GPHN: variants seen among roughly 807,000 people sequenced by gnomAD.
GPHN encodes the protein gephyrin.
Under a neutral mutation model 95.5 loss-of-function variants are expected in GPHN, and 17 were observed. The ratio of observed to expected loss-of-function variants is 0.18; its 90% CI spans 0.12 to 0.27. The LOEUF is 0.27. GPHN is among the 10% of genes least tolerant of loss of function. GPHN has a pLI of 1.00. For synonymous variants in GPHN, 320 were observed against 322.5 expected, an observed-to-expected ratio of 0.99 and a Z score of 0.08; for missense variants, 660 against 978.1, an observed-to-expected ratio of 0.67 and a Z score of 4.34.
At chr14:67,555,684 T>A in the GPHN span, 1 of 1,229,282 alleles carries the variant, frequency 8.1e-7, no homozygotes. Context: ...ATCCTTACCC[T>A]GACACTCTCG....
chr14:66,819,149 T>G (rs2061093472), intron 3 of GPHN, among the ~76,000 whole-genome samples: 1 of 152,216 alleles, frequency 6.6e-6, no homozygotes, highest in Non-Finnish European at 1.5e-5. Flanking sequence ...TTCTTTGTCA[T>G]GAATTCTTTG....
At chr14:67,047,531 A>G (rs540927991) in intron 10 of GPHN, among the ~76,000 whole-genome samples, 2 of 151,750 alleles carry the variant, frequency 1.3e-5, no homozygotes, top group African/African-American at 4.8e-5. Flanking sequence ...ATGCATGACT[A>G]ATTTTTTGTA....
intron 17 of GPHN, among the ~76,000 whole-genome samples, chr14:67,129,816 A>AAGGAAGGAAGGGAGAGGGAGGG (rs2079581234): frequency 7.4e-6 from 1 of 134,804 alleles, no homozygotes; most frequent in Admixed American, 7.4e-5. Context: ...GGGAGGGAGG[A>AAGGAAGGAAGGGAGAGGGAGGG]AGGAAGGAAG....
chr14:66,542,509 A>C (rs934182515), intron 1 of GPHN, among the ~76,000 whole-genome samples: 3 of 152,052 alleles, frequency 2.0e-5, no homozygotes, highest in Non-Finnish European at 2.9e-5. Flanking sequence ...TCTACCCATT[A>C]TTCTTTACTT....
chr14:67,432,905 T>C, the GPHN span, among the ~76,000 whole-genome samples: 1 of 152,194 alleles, frequency 6.6e-6, no homozygotes, highest in Non-Finnish European at 1.5e-5. Flanking sequence ...CCCAGTCATT[T>C]GATTTAGGGC....
the GPHN span, among the ~76,000 whole-genome samples, chr14:67,221,070 G>A: frequency 6.6e-6 from 1 of 152,140 alleles, no homozygotes; most frequent in Non-Finnish European, 1.5e-5. Flanking sequence ...GTTTTAGTAT[G>A]CCAATGAGGT....
At chr14:67,309,872 T>C in the GPHN span, among the ~76,000 whole-genome samples, 3 of 152,132 alleles carry the variant, frequency 2.0e-5, no homozygotes, top group Non-Finnish European at 4.4e-5. Context: ...TTTCAGAAAG[T>C]GATTTGATAA....
intron 1 of GPHN, among the ~76,000 whole-genome samples, chr14:66,548,187 T>G (rs1035447325): frequency 6.7e-6 from 1 of 150,184 alleles, no homozygotes; most frequent in Non-Finnish European, 1.5e-5. Flanking sequence ...AATTTTTTTT[T>G]TTTTTTTTTT....
chr14:66,769,794 G>T (rs1162982408), intron 2 of GPHN, among the ~76,000 whole-genome samples: 4 of 152,020 alleles, frequency 2.6e-5, no homozygotes, highest in Admixed American at 2.0e-4. Flanking sequence ...GAACATATAC[G>T]TTGCATGTGT....
chr14:66,951,934 G>A lies in GPHN; in HGVS notation c.829-13257G>A, dbSNP rs532093250. 9.9e-4 allele frequency among the ~76,000 whole-genome samples: 150 copies of A among 151,992 alleles called. 1 individual carries two copies. The Middle Eastern group carries it at 0.017, about 17-fold the overall frequency. On this transcript the variant is annotated intron_variant, in intron 8 of 22. Transcript: ENST00000478722. ...CCAGGTGTATTAGAGATCCAAACAG[G>A]AAGGAGGAAACTATAAAGCTTTTAT...
At chr14:67,719,036 T>C in the GPHN span, among the ~76,000 whole-genome samples, 1 of 152,364 alleles carries the variant, frequency 6.6e-6, no homozygotes, top group East Asian at 1.9e-4. Context: ...AAGTTGGGCA[T>C]GTTCCAACAT....
the GPHN span, among the ~76,000 whole-genome samples, chr14:67,430,971 A>T: frequency 6.6e-6 from 1 of 152,182 alleles, no homozygotes; most frequent in East Asian, 1.9e-4. Context: ...TAGGTGCCCC[A>T]ACAACCTGGC....
At chr14:66,936,112 C>A (rs1274583052) in intron 8 of GPHN, among the ~76,000 whole-genome samples, 3 of 152,188 alleles carry the variant, frequency 2.0e-5, no homozygotes, top group African/African-American at 2.4e-5. Context: ...GGTGCGGTGG[C>A]TCACGCCTGT....
At chr14:66,631,073 C>T (rs190668560) in intron 1 of GPHN, among the ~76,000 whole-genome samples, 8 of 147,304 alleles carry the variant, frequency 5.4e-5, no homozygotes, top group Admixed American at 1.4e-4. Context: ...TTTTTTGAGA[C>T]GGAGTCTTGC....
At chr14:66,787,626 T>G (rs2059823176) in intron 3 of GPHN, among the ~76,000 whole-genome samples, 1 of 152,074 alleles carries the variant, frequency 6.6e-6, no homozygotes, top group Non-Finnish European at 1.5e-5. Flanking sequence ...GGCAGAGAAA[T>G]AAAAACATAA....
At chr14:66,635,643 A>T (rs2064056830) in intron 1 of GPHN, among the ~76,000 whole-genome samples, 1 of 152,172 alleles carries the variant, frequency 6.6e-6, no homozygotes, top group African/African-American at 2.4e-5. Context: ...TGTAATTCTG[A>T]TATCTGCCAT....
the GPHN span, among the ~76,000 whole-genome samples, chr14:67,596,382 C>T: frequency 6.9e-6 from 1 of 144,104 alleles, no homozygotes; most frequent in African/African-American, 2.5e-5. Context: ...CTCAGGCAAT[C>T]CACCCGCCTC....
rs201725497 is a variant in GPHN, at chr14:66,508,484, G to A, written c.-44G>A. Reference sequence around the variant, plus strand: ...TCCCGGCCCGCGCGCTCCGGGCTCCGGTTTCTCCCGGCTCCTGTCAGTGCG... The same window carrying A: ...TCCCGGCCCGCGCGCTCCGGGCTCCAGTTTCTCCCGGCTCCTGTCAGTGCG... On this transcript the variant is annotated 5_prime_UTR_variant, in exon 1 of 23. Coordinates refer to ENST00000478722, the MANE Select transcript of GPHN (RefSeq NM_020806.5). The A allele has an allele frequency of 1.6e-5, 26 of 1,597,242 alleles. No homozygotes were observed. In the Middle Eastern group the frequency reaches 5.0e-4, roughly 31 times the overall value.
chr14:67,143,102 T>A, intron 17 of GPHN: 1 of 410,192 alleles, frequency 2.4e-6, no homozygotes, highest in Non-Finnish European at 4.6e-6. Flanking sequence ...TTGTCTCCTT[T>A]CATTATAGTG....
Sources: gnomAD v4.1 joint callset for allele counts (sites outside exome capture counted in the v4.1 genomes callset) on GRCh38, gnomAD v4.1.1 for gene constraint, MANE v1.5 for transcripts, NCBI Gene and HGNC (gene_info 2026-07-23, HGNC 2026-07-21) for gene names.